RARB: variants seen among roughly 807,000 people sequenced by gnomAD.
RARB encodes the protein retinoic acid receptor beta, also known as HBV-activated protein.
A neutral mutation model predicts 51.9 loss-of-function variants in RARB; 17 were observed. That is an observed-to-expected ratio of 0.33 (90% confidence interval 0.22 to 0.49). RARB has a LOEUF of 0.49. RARB is among the 20% of genes least tolerant of loss of function. The probability of loss-of-function intolerance (pLI) is 0.99; values close to 1 mark genes in which losing one functional copy is unlikely to be tolerated. For synonymous variants in RARB, 215 were observed against 195.4 expected (o/e 1.10, Z -0.84); for missense variants, 369 against 550.8 (o/e 0.67, Z 3.30).
At chr3:25,254,276 A>G (rs1246609235) in intron 5 of RARB, among the ~76,000 whole-genome samples, 1 of 152,100 alleles carries the variant, frequency 6.6e-6, no homozygotes, top group African/African-American at 2.4e-5. Context: ...TCCTGTCTTT[A>G]TTTACTTTCC....
intron 2 of RARB, among the ~76,000 whole-genome samples, chr3:24,968,829 C>A (rs962172769): frequency 3.3e-5 from 5 of 152,038 alleles, no homozygotes; most frequent in Admixed American, 3.3e-4. Context: ...GGTAGACTAC[C>A]CAAAGACTTG....
chr3:25,405,038 G>T (rs1259812617), intron 5 of RARB, among the ~76,000 whole-genome samples: 1 of 152,104 alleles, frequency 6.6e-6, no homozygotes, highest in Non-Finnish European at 1.5e-5. Context: ...GCTAACTATA[G>T]ATCTGGTTAA....
At chr3:25,286,272 C>T (rs759750888) in intron 5 of RARB, among the ~76,000 whole-genome samples, 16 of 151,682 alleles carry the variant, frequency 1.1e-4, no homozygotes, top group African/African-American at 3.4e-4. Context: ...GTATTTTGAG[C>T]AGAGACGGGG....
intron 2 of RARB, among the ~76,000 whole-genome samples, chr3:25,058,259 T>A (rs1424769541): frequency 1.3e-5 from 2 of 151,910 alleles, no homozygotes; most frequent in Non-Finnish European, 2.9e-5. Flanking sequence ...TGGTCTTGAT[T>A]TTCATAATTA....
intron 1 of RARB, among the ~76,000 whole-genome samples, chr3:24,847,018 C>T (rs1702493697): frequency 6.6e-6 from 1 of 152,132 alleles, no homozygotes; most frequent in African/African-American, 2.4e-5. Flanking sequence ...ACTGTGCAAG[C>T]AAATCACCAG....
At chr3:25,495,275 A>C (rs372360449) in intron 2 of RARB, among the ~76,000 whole-genome samples, 15 of 152,234 alleles carry the variant, frequency 9.9e-5, no homozygotes, top group African/African-American at 2.9e-4. Context: ...ACCCAATTCC[A>C]TATCAAAATA....
chr3:25,076,778 G>C (rs896627008), intron 3 of RARB, among the ~76,000 whole-genome samples: 3 of 152,058 alleles, frequency 2.0e-5, no homozygotes, highest in African/African-American at 7.2e-5. Context: ...CATGACCACG[G>C]AAGTCTTCAT....
chr3:25,058,080 T>C (rs1326998980), intron 2 of RARB, among the ~76,000 whole-genome samples: 2 of 151,984 alleles, frequency 1.3e-5, no homozygotes, highest in East Asian at 3.9e-4. Flanking sequence ...AAACTTCCTG[T>C]CCATTAACTT....
chr3:25,418,323 A>G (rs1271353080), intron 5 of RARB, among the ~76,000 whole-genome samples: 3 of 152,202 alleles, frequency 2.0e-5, no homozygotes, highest in Non-Finnish European at 4.4e-5. Flanking sequence ...GTGAATACTA[A>G]TGCCAAACAT....
In RARB at chr3:25,208,129, C is replaced by T. The variant is rs1164936761; in HGVS notation, c.178+33554C>T. Among the ~76,000 whole-genome samples the T allele has an allele frequency of 3.3e-5, 5 of 152,136 alleles. No homozygotes were observed. In the South Asian group the frequency reaches 6.2e-4, roughly 19 times the overall value. On this transcript the variant is annotated intron_variant, in intron 5 of 11. Coordinates refer to the RARB transcript ENST00000383772. ...GCCGAGGGGATGGTGCTAAACCATT[C>T]ATGAGAAATCTGCCCACATGATCCA...
At chr3:25,081,002 T>C (rs879583031) in intron 3 of RARB, among the ~76,000 whole-genome samples, 1 of 152,142 alleles carries the variant, frequency 6.6e-6, no homozygotes, top group Admixed American at 6.5e-5. Flanking sequence ...TCTGATCTGA[T>C]CTCTTTTACT....
At chr3:25,299,639 G>T (rs576922855) in intron 5 of RARB, among the ~76,000 whole-genome samples, 2 of 152,076 alleles carry the variant, frequency 1.3e-5, no homozygotes, top group Non-Finnish European at 2.9e-5. Flanking sequence ...ATTTTTAAAA[G>T]TTTTTAAAAG....
At chr3:25,489,828 G>A (rs1559430457) in intron 2 of RARB, among the ~76,000 whole-genome samples, 1 of 152,212 alleles carries the variant, frequency 6.6e-6, no homozygotes, top group African/African-American at 2.4e-5. Flanking sequence ...CTGGACAAAG[G>A]CATGAGCAAC....
chr3:25,484,418 A>T (rs1359871001), intron 2 of RARB, among the ~76,000 whole-genome samples: 3 of 152,110 alleles, frequency 2.0e-5, no homozygotes, highest in Non-Finnish European at 2.9e-5. Context: ...TGAGAGAGTG[A>T]GAAAGAGACC....
chr3:25,586,648 G>T (rs1701403101), intron 5 of RARB, among the ~76,000 whole-genome samples: 1 of 152,198 alleles, frequency 6.6e-6, no homozygotes, highest in African/African-American at 2.4e-5. Context: ...CCTCCTTCTG[G>T]TGACGCAAAA....
chr3:24,844,108 C>T (rs758209031), intron 1 of RARB, among the ~76,000 whole-genome samples: 9 of 152,144 alleles, frequency 5.9e-5, no homozygotes, highest in South Asian at 2.1e-4. Flanking sequence ...TGCAGATGCA[C>T]GGCAGCCCTA....
intron 2 of RARB, among the ~76,000 whole-genome samples, chr3:25,032,324 A>G (rs1338619460): frequency 2.0e-5 from 3 of 152,228 alleles, no homozygotes; most frequent in African/African-American, 7.2e-5. Context: ...TGGTAAAACA[A>G]AGGCAGTAAA....
chr3:25,284,313 A>G (rs1457939765), intron 5 of RARB, among the ~76,000 whole-genome samples: 1 of 152,222 alleles, frequency 6.6e-6, no homozygotes, highest in Non-Finnish European at 1.5e-5. Flanking sequence ...GGTAAGGGCC[A>G]GTTAAGCTAA....
intron 2 of RARB, among the ~76,000 whole-genome samples, chr3:24,900,509 C>T (rs889248827): frequency 2.6e-5 from 4 of 152,170 alleles, no homozygotes; most frequent in East Asian, 3.9e-4. Flanking sequence ...AATTGTCTGT[C>T]AAGTAAGTAA....
Sources: allele counts gnomAD v4.1 joint callset (sites outside exome capture counted in the v4.1 genomes callset), GRCh38; gene constraint gnomAD v4.1.1; transcripts MANE v1.5; gene names NCBI Gene and HGNC (gene_info 2026-07-23, HGNC 2026-07-21).